PRKCE: variants seen among roughly 807,000 people sequenced by gnomAD.
PRKCE encodes the protein protein kinase C epsilon, also known as protein kinase C epsilon type.
In PRKCE, 16 loss-of-function variants were observed where a neutral mutation model predicts 85.4. The observed-to-expected ratio is 0.19, with a 90% CI of 0.13 to 0.28. The LOEUF (loss-of-function observed/expected upper bound fraction) is 0.28. Ranked by LOEUF, PRKCE falls within the 10% of genes least tolerant of loss-of-function variation. The probability of loss-of-function intolerance (pLI) is 1.00; values close to 1 mark genes in which losing one functional copy is unlikely to be tolerated. For missense variants in PRKCE, 573 were observed against 975.2 expected (o/e 0.59, Z 5.49); for synonymous variants, 388 against 371.5 (o/e 1.04, Z -0.51).
intron 10 of PRKCE, among the ~76,000 whole-genome samples, chr2:46,023,278 A>G (rs1204870938): frequency 6.6e-6 from 1 of 152,112 alleles, no homozygotes; most frequent in Non-Finnish European, 1.5e-5. Flanking sequence ...CTCATTTCAT[A>G]AAGAGAAAAT....
intron 1 of PRKCE, among the ~76,000 whole-genome samples, chr2:45,664,593 T>C (rs1291224392): frequency 2.0e-5 from 3 of 152,204 alleles, no homozygotes; most frequent in Non-Finnish European, 4.4e-5. Context: ...ATTCCAAGTG[T>C]ACAGAACTAC....
chr2:45,984,486 C>T (rs994222947), intron 5 of PRKCE, 65 bp from the exon 6 acceptor site: 27 of 1,564,516 alleles, frequency 1.7e-5, no homozygotes, highest in Non-Finnish European at 1.8e-5. Context: ...TTGAGAGTTC[C>T]GTTGACAAGT....
chr2:45,698,683 C>G (rs1214481187), intron 1 of PRKCE, among the ~76,000 whole-genome samples: 2 of 152,134 alleles, frequency 1.3e-5, no homozygotes, highest in Non-Finnish European at 2.9e-5. Context: ...TTTTTAAAAT[C>G]CAGATTCTTG....
At chr2:46,016,386 G>A (rs1423527638) in intron 10 of PRKCE, among the ~76,000 whole-genome samples, 2 of 152,078 alleles carry the variant, frequency 1.3e-5, no homozygotes, top group Non-Finnish European at 1.5e-5. Context: ...GATCGTCACT[G>A]GTTTCCACGA....
intron 2 of PRKCE, among the ~76,000 whole-genome samples, chr2:45,935,063 T>TCACA (rs747014186): frequency 4.3e-5 from 4 of 92,324 alleles, no homozygotes; most frequent in Non-Finnish European, 8.5e-5. Flanking sequence ...ACTCACTCTC[T>TCACA]CTCTCACACA....
chr2:45,654,241 C>T (rs1162494070), intron 1 of PRKCE, among the ~76,000 whole-genome samples: 1 of 152,262 alleles, frequency 6.6e-6, no homozygotes. Context: ...GTCTTTGTAT[C>T]TCTGGTGATG....
intron 1 of PRKCE, chr2:45,674,656 A>G (rs1003780151): frequency 3.3e-5 from 5 of 152,230 alleles, no homozygotes; most frequent in African/African-American, 1.2e-4. Flanking sequence ...TTACTGAGGA[A>G]TTTTATGGCA....
chr2:46,123,251 A>C (rs1158884877), intron 11 of PRKCE, among the ~76,000 whole-genome samples: 2 of 75,620 alleles, frequency 2.6e-5, no homozygotes, highest in South Asian at 4.9e-4. Context: ...TTTGGTCTAC[A>C]CACAGCTTAA....
chr2:45,761,966 G>A (rs1684543517), intron 1 of PRKCE, among the ~76,000 whole-genome samples: 1 of 152,104 alleles, frequency 6.6e-6, no homozygotes, highest in South Asian at 2.1e-4. Flanking sequence ...TTCCCATCAG[G>A]GAGTTACTGC....
rs985766866 is a variant in PRKCE at position 45,652,483 on chromosome 2, C to T, written c.348+35C>T. The T allele has an allele frequency of 4.5e-6, 7 of 1,548,158 alleles. No homozygotes were observed. The Admixed American group carries it at 8.9e-5, about 20-fold the overall frequency. On this transcript the variant is annotated intron_variant, in intron 1 of 14. Transcript: ENST00000306156. The surrounding 1 kb of genome is among the most constrained non-coding windows in gnomAD (Gnocchi z 7.7). ...GCGCCTCCCCGTCATTCCGGGAACC[C>T]GGTTGTGGGGTCCCGGGGAAAGACT...
intron 2 of PRKCE, among the ~76,000 whole-genome samples, chr2:45,878,626 A>AT (rs1027487539): frequency 3.3e-5 from 5 of 152,250 alleles, no homozygotes; most frequent in Admixed American, 2.0e-4. Context: ...ATTTTTAACA[A>AT]TTTTTTCTAG....
intron 10 of PRKCE, among the ~76,000 whole-genome samples, chr2:46,055,447 C>T (rs1295447708): frequency 6.6e-6 from 1 of 152,214 alleles, no homozygotes; most frequent in East Asian, 1.9e-4. Context: ...CAGTGAAATA[C>T]CCTGGTTCAA....
intron 2 of PRKCE, among the ~76,000 whole-genome samples, chr2:45,960,041 T>C (rs1212989199): frequency 1.3e-5 from 2 of 152,236 alleles, no homozygotes; most frequent in Non-Finnish European, 2.9e-5. Context: ...ACATCGTTTT[T>C]TCATTTACAG....
At position 45,973,334 on chromosome 2, in the gene PRKCE, TGGG is replaced by T. The variant is rs1702230177; in HGVS notation, c.413-3093_413-3091del. ...TTTCCTGCCCAGAGGAATGTGGAATTGGGGTGTTTTCAGCAGCCACAGGCTCCA... is the reference window on the plus strand; with the variant it reads ...TTTCCTGCCCAGAGGAATGTGGAATTGTGTTTTCAGCAGCCACAGGCTCCA... On this transcript the variant is annotated intron_variant, in intron 2 of 14. Coordinates refer to ENST00000306156, the MANE Select transcript of PRKCE (RefSeq NM_005400.3). 3.9e-5 allele frequency among the ~76,000 whole-genome samples: 6 copies of T among 152,318 alleles called. No individual in the cohort carries two copies. In the South Asian group the frequency reaches 1.0e-3, roughly 26 times the overall value.
Position 46,139,105 on chromosome 2 carries a change from T to A in PRKCE, c.1593-5988T>A, listed in dbSNP as rs1161924296. Among the ~76,000 whole-genome samples, 1 of 152,042 alleles carries A rather than the reference T, an allele frequency of 6.6e-6. No individual in the cohort carries two copies. The highest frequency in any genetic ancestry group is 2.4e-5 in the African/African-American group (1 of 41,384). ...CAGGCTGAGGGGGAAATGCTAGGAG[T>A]GGCCCTCCTAAAATCAGGGACCACC... On this transcript the variant is annotated intron_variant, in intron 11 of 14. Transcript: ENST00000306156. This position sits in a 1 kb window ranked among gnomAD's most constrained non-coding sequence, Gnocchi z 5.2.
At chr2:45,857,990 C>T (rs540734041) in intron 2 of PRKCE, among the ~76,000 whole-genome samples, 1 of 152,266 alleles carries the variant, frequency 6.6e-6, no homozygotes, top group South Asian at 2.1e-4. Context: ...GACACGTGAC[C>T]GCCAGCTGAC....
intron 1 of PRKCE, among the ~76,000 whole-genome samples, chr2:45,815,655 C>A (rs995677882): frequency 1.3e-5 from 2 of 152,216 alleles, no homozygotes; most frequent in African/African-American, 4.8e-5. Flanking sequence ...TAGCCAGACT[C>A]CATGCAGGGA....
At chr2:45,661,524 T>TTTTG (rs1443027658) in intron 1 of PRKCE, among the ~76,000 whole-genome samples, 4 of 45,132 alleles carry the variant, frequency 8.9e-5, no homozygotes, top group African/African-American at 2.0e-4. Context: ...TTGTTTTTTG[T>TTTTG]TTTTTGTTTT....
rs146324863 is a variant in PRKCE, at chr2:45,980,237, T to G, written c.608-59T>G. ...ACTCCACCAAGCCCTGAATAGATCCTGGGAGGGACACTCCCTTTCCTGAGT... is the reference window on the plus strand; with the variant it reads ...ACTCCACCAAGCCCTGAATAGATCCGGGGAGGGACACTCCCTTTCCTGAGT... On this transcript the variant is annotated intron_variant, in intron 4 of 14. Coordinates refer to ENST00000306156, the MANE Select transcript of PRKCE (RefSeq NM_005400.3). The G allele has an allele frequency of 1.4e-4, 216 of 1,535,248 alleles. No homozygotes were observed. The African/African-American group carries it at 2.7e-3, about 19-fold the overall frequency.
Sources: allele counts gnomAD v4.1 joint callset (sites outside exome capture counted in the v4.1 genomes callset), GRCh38; gene constraint gnomAD v4.1.1; non-coding constraint Gnocchi (gnomAD v3.1); transcripts MANE v1.5; gene names NCBI Gene and HGNC (gene_info 2026-07-23, HGNC 2026-07-21).